TBC1D8: variants seen among roughly 807,000 people sequenced by gnomAD.
The protein encoded by TBC1D8 is TBC1 domain family member 8, also known as BUB2-like protein 1.
A neutral mutation model predicts 118.8 loss-of-function variants in TBC1D8; 65 were observed. The observed-to-expected ratio is 0.55, with a 90% CI of 0.45 to 0.67. The LOEUF (loss-of-function observed/expected upper bound fraction) is 0.67, where lower values mean the gene tolerates loss of function less well. Ranked by LOEUF, TBC1D8 falls within the 30% of genes least tolerant of loss-of-function variation. The pLI is 0.00. For missense variants in TBC1D8, 1,376 were observed against 1,471.2 expected, an observed-to-expected ratio of 0.94 and a Z score of 1.06; for synonymous variants, 566 against 595.8, an observed-to-expected ratio of 0.95 and a Z score of 0.73.
chr2:101,095,413 C>T (rs1399064876), intron 1 of TBC1D8, among the ~76,000 whole-genome samples: 1 of 143,472 alleles, frequency 7.0e-6, no homozygotes, highest in African/African-American at 2.6e-5. Context: ...TCCCCCCACC[C>T]CACAACAGTC....
intron 3 of TBC1D8, 88 bp from the exon 4 acceptor site, chr2:101,054,424 G>A: frequency 7.5e-7 from 1 of 1,334,462 alleles, no homozygotes; most frequent in Non-Finnish European, 1.0e-6. Context: ...AGGGACTGAG[G>A]TGCACAGGCC....
chr2:101,091,967 A>C (rs1676068445), intron 1 of TBC1D8, among the ~76,000 whole-genome samples: 1 of 152,250 alleles, frequency 6.6e-6, no homozygotes, highest in South Asian at 2.1e-4. Flanking sequence ...TATTTAGTAC[A>C]AACACAGTAT....
In TBC1D8 at chr2:101,028,303, C is replaced by G. The variant is rs753600762; in HGVS notation, c.2352G>C (p.Glu784Asp). The G allele has an allele frequency of 1.9e-5, 31 of 1,611,570 alleles. No individual in the cohort carries two copies. In the South Asian group the frequency reaches 3.3e-4, roughly 17 times the overall value. Residue 784 changes from glutamate to aspartate, a missense_variant and splice_region_variant, in exon 13 of 20, where the codon GAG (glutamate) becomes GAC (aspartate). By Grantham distance (45) the Glu-to-Asp change is conservative. Transcript: ENST00000409318. ...DISDLIRDSY[E>D]KFGDQSVEQI... ...GGCATGGGGCGGGGGTTCCCGTTAC[C>G]TCATAGGAATCCCGGATCAGGTCCG...
At chr2:101,126,785 A>C (rs1043717802) in intron 1 of TBC1D8, among the ~76,000 whole-genome samples, 13 of 152,254 alleles carry the variant, frequency 8.5e-5, no homozygotes, top group African/African-American at 3.1e-4. Flanking sequence ...AGATTGGTAA[A>C]TAAGTAATAA....
chr2:101,081,358 GT>G (rs1323378453), intron 2 of TBC1D8, among the ~76,000 whole-genome samples: 1 of 152,066 alleles, frequency 6.6e-6, no homozygotes, highest in Non-Finnish European at 1.5e-5. Flanking sequence ...CTTTCTTTCT[GT>G]TTTCCTGCTC....
Position 101,121,939 on chromosome 2 carries a change from G to A in TBC1D8, c.127+29188C>T, listed in dbSNP as rs113409687. On this transcript the variant is annotated intron_variant, in intron 1 of 19. Coordinates refer to ENST00000409318, the MANE Select transcript of TBC1D8 (RefSeq NM_001330348.2). ...AAATCAGCCAGGCATGGCGGCAGGC[G>A]CTTATAGTCCCAGCTACTTGGAAGG... 8.1e-3 allele frequency among the ~76,000 whole-genome samples: 1,238 copies of A among 152,082 alleles called. 17 individuals carry two copies. Among genetic ancestry groups the A allele is most frequent in the African/African-American group, 0.028 (1,165 of 41,512 alleles).
At chr2:101,091,761 A>T (rs1486085611) in intron 1 of TBC1D8, among the ~76,000 whole-genome samples, 4 of 152,184 alleles carry the variant, frequency 2.6e-5, no homozygotes, top group Admixed American at 2.6e-4. Flanking sequence ...ATTGCCTGGG[A>T]ATCTAGATGG....
intron 5 of TBC1D8, among the ~76,000 whole-genome samples, chr2:101,043,435 C>T (rs762233314): frequency 2.6e-5 from 4 of 152,212 alleles, no homozygotes; most frequent in African/African-American, 9.7e-5. Context: ...ACTCCCTGCA[C>T]GTATCTCACA....
At chr2:101,099,902 A>G (rs1212758201) in intron 1 of TBC1D8, among the ~76,000 whole-genome samples, 1 of 152,198 alleles carries the variant, frequency 6.6e-6, no homozygotes, top group Non-Finnish European at 1.5e-5. Flanking sequence ...CACAGCCAAT[A>G]TTGCACTGAA....
At chr2:101,009,458 AT>A (rs1679021682) in intron 19 of TBC1D8, among the ~76,000 whole-genome samples, 4 of 151,756 alleles carry the variant, frequency 2.6e-5, no homozygotes, top group Non-Finnish European at 4.4e-5. Flanking sequence ...ACAAATATTT[AT>A]TTGGGGGAAA....
chr2:101,043,877 T>C (rs1189207438), intron 5 of TBC1D8, among the ~76,000 whole-genome samples: 1 of 151,776 alleles, frequency 6.6e-6, no homozygotes, highest in Non-Finnish European at 1.5e-5. Flanking sequence ...GAGGCAGAGG[T>C]TGCAGTGAGC....
chr2:101,132,800 A>G (rs1238529183), intron 1 of TBC1D8, among the ~76,000 whole-genome samples: 1 of 151,446 alleles, frequency 6.6e-6, no homozygotes, highest in Non-Finnish European at 1.5e-5. Context: ...GAGTCTCCCT[A>G]TGTTGCCCAG....
chr2:101,119,444 C>T (rs1404976563), intron 1 of TBC1D8, among the ~76,000 whole-genome samples: 1 of 152,220 alleles, frequency 6.6e-6, no homozygotes, highest in Non-Finnish European at 1.5e-5. Context: ...GCTTCCCCTC[C>T]CACCAGGTTC....
chr2:101,057,661 A>T (rs1682516869), intron 3 of TBC1D8, among the ~76,000 whole-genome samples: 1 of 152,154 alleles, frequency 6.6e-6, no homozygotes, highest in African/African-American at 2.4e-5. Flanking sequence ...TCGTCTCTAC[A>T]AAAAATAAAA....
intron 1 of TBC1D8, among the ~76,000 whole-genome samples, chr2:101,113,888 T>A (rs1487655345): frequency 6.6e-6 from 1 of 152,208 alleles, no homozygotes; most frequent in African/African-American, 2.4e-5. Flanking sequence ...CAAACAAATC[T>A]TGAAAAGGAA....
rs922904268 is a variant in TBC1D8, at chr2:101,008,368, A to G, written c.3016-95T>C. Reference sequence around the variant, plus strand: ...CCTGTGAGCTTTGAGAAAACGACACAGTATTTTTGAAGACACAGAATATAA... The same window carrying G: ...CCTGTGAGCTTTGAGAAAACGACACGGTATTTTTGAAGACACAGAATATAA... On this transcript the variant is annotated intron_variant, in intron 19 of 19. Coordinates refer to ENST00000409318, the MANE Select transcript of TBC1D8 (RefSeq NM_001330348.2). 21 of 995,526 alleles carry G rather than the reference A, an allele frequency of 2.1e-5. No homozygotes were observed. In the East Asian group the frequency reaches 3.2e-4, roughly 15 times the overall value. 61.7% of individuals were successfully genotyped at this position (995,526 alleles called of 1,614,324 possible).
chr2:101,112,408 G>A (rs915551791), intron 1 of TBC1D8, among the ~76,000 whole-genome samples: 4 of 152,182 alleles, frequency 2.6e-5, no homozygotes, highest in Non-Finnish European at 4.4e-5. Flanking sequence ...ATTTCTCGTC[G>A]TGAACAGATG....
intron 1 of TBC1D8, among the ~76,000 whole-genome samples, chr2:101,097,370 GA>G (rs1676529642): frequency 6.6e-6 from 1 of 151,998 alleles, no homozygotes; most frequent in Non-Finnish European, 1.5e-5. Context: ...TTATATAAAG[GA>G]AATGTGTCTG....
chr2:101,137,455 G>A lies in TBC1D8; in HGVS notation c.127+13672C>T, dbSNP rs538457447. Among the ~76,000 whole-genome samples, 4 of 152,224 alleles carry A rather than the reference G, an allele frequency of 2.6e-5. 1 individual carries two copies. In the South Asian group the frequency reaches 8.3e-4, roughly 32 times the overall value. ...AGCCTCTCGAGTAGCTGGGACTACA[G>A]GCGCCCGCCACCACACCCGGCAAAT... On this transcript the variant is annotated intron_variant, in intron 1 of 19. Transcript: ENST00000409318.
Sources: allele counts gnomAD v4.1 joint callset (sites outside exome capture counted in the v4.1 genomes callset), GRCh38; gene constraint gnomAD v4.1.1; transcripts MANE v1.5; gene names NCBI Gene and HGNC (gene_info 2026-07-23, HGNC 2026-07-21).